The following SSBP2 variants were observed in gnomAD, a reference collection of about 807,000 sequenced individuals.
SSBP2 encodes the protein single-stranded DNA-binding protein 2.
SSBP2 carries 17 observed loss-of-function variants against 61.8 expected under a neutral mutation model. That is an observed-to-expected ratio of 0.28 (90% CI 0.19 to 0.41). The LOEUF is 0.41. Ranked by LOEUF, SSBP2 falls within the 10% of genes least tolerant of loss-of-function variation. The pLI, the probability that SSBP2 is intolerant of heterozygous loss-of-function variation, is 1.00. For synonymous variants in SSBP2, 139 were observed against 141.3 expected (o/e 0.98, Z 0.12); for missense variants, 310 against 458.7 (o/e 0.68, Z 2.96).
intron 4 of SSBP2, among the ~76,000 whole-genome samples, chr5:81,515,441 C>T (rs537174177): frequency 2.0e-5 from 3 of 151,920 alleles, no homozygotes; most frequent in Admixed American, 1.3e-4. Flanking sequence ...TACTGTAACA[C>T]TGAGCATATG....
chr5:81,555,753 A>G (rs1369307847), intron 4 of SSBP2, among the ~76,000 whole-genome samples: 2 of 152,200 alleles, frequency 1.3e-5, no homozygotes, highest in African/African-American at 4.8e-5. Context: ...AAATGAGATC[A>G]ATGTACAATC....
chr5:81,634,905 G>A (rs1299614487), intron 3 of SSBP2, among the ~76,000 whole-genome samples: 3 of 152,172 alleles, frequency 2.0e-5, no homozygotes, highest in Non-Finnish European at 4.4e-5. Flanking sequence ...TGCCTATATG[G>A]CACTCTGCAT....
chr5:81,513,511 C>T (rs887811614), intron 5 of SSBP2, 117 bp downstream of exon 5: 17 of 630,832 alleles, frequency 2.7e-5, no homozygotes, highest in Non-Finnish European at 4.8e-5. Context: ...CAAGAGTTGG[C>T]TACACATTAT....
At chr5:81,625,537 C>G (rs1373388780) in intron 3 of SSBP2, among the ~76,000 whole-genome samples, 4 of 151,988 alleles carry the variant, frequency 2.6e-5, no homozygotes, top group African/African-American at 9.7e-5. Context: ...TTATATTTTA[C>G]AAATGAAGAC....
chr5:81,678,346 G>T (rs1167037329), intron 1 of SSBP2, among the ~76,000 whole-genome samples: 2 of 130,348 alleles, frequency 1.5e-5, no homozygotes, highest in Non-Finnish European at 3.2e-5. Flanking sequence ...ATCTCAACAA[G>T]AACAGTCCCA....
At chr5:81,747,906 G>A (rs1757458507) in intron 1 of SSBP2, among the ~76,000 whole-genome samples, 1 of 151,940 alleles carries the variant, frequency 6.6e-6, no homozygotes, top group Non-Finnish European at 1.5e-5. Context: ...TCCCTCCAAG[G>A]GTTTTCAATC....
At chr5:81,704,450 T>C (rs1165995863) in intron 1 of SSBP2, among the ~76,000 whole-genome samples, 5 of 152,030 alleles carry the variant, frequency 3.3e-5, no homozygotes, top group Non-Finnish European at 7.4e-5. Context: ...CGCACACATA[T>C]ATACACATGC....
chr5:81,499,886 A>G (rs1206870363), intron 5 of SSBP2, among the ~76,000 whole-genome samples: 1 of 152,140 alleles, frequency 6.6e-6, no homozygotes, highest in Non-Finnish European at 1.5e-5. Flanking sequence ...AGGTACTTCA[A>G]TTTATTTAAA....
intron 16 of SSBP2, among the ~76,000 whole-genome samples, chr5:81,423,954 T>C (rs1186395795): frequency 6.6e-6 from 1 of 152,206 alleles, no homozygotes. Flanking sequence ...TTATCTGTGA[T>C]ATTTCAAATG....
intron 1 of SSBP2, among the ~76,000 whole-genome samples, chr5:81,711,814 T>TCCTC (rs1754803781): frequency 6.6e-6 from 1 of 152,054 alleles, no homozygotes; most frequent in South Asian, 2.1e-4. Context: ...ATATTCTTAC[T>TCCTC]CCTCCACTTC....
intron 2 of SSBP2, among the ~76,000 whole-genome samples, chr5:81,645,848 G>T (rs1167435862): frequency 6.6e-6 from 1 of 152,092 alleles, no homozygotes; most frequent in African/African-American, 2.4e-5. Context: ...TCAGGTAGTG[G>T]TTTAAAATCT....
intron 4 of SSBP2, among the ~76,000 whole-genome samples, chr5:81,595,613 T>C (rs1444733623): frequency 6.6e-6 from 1 of 152,126 alleles, no homozygotes; most frequent in Non-Finnish European, 1.5e-5. Flanking sequence ...GCAAACTGAA[T>C]CCAGCAGCAC....
chr5:81,622,498 T>C (rs1282366016), intron 3 of SSBP2, among the ~76,000 whole-genome samples: 4 of 152,170 alleles, frequency 2.6e-5, no homozygotes, highest in African/African-American at 9.7e-5. Flanking sequence ...CTTGAGCAAG[T>C]TGCTTAAACT....
At chr5:81,521,021 A>G (rs1406044053) in intron 4 of SSBP2, among the ~76,000 whole-genome samples, 1 of 151,954 alleles carries the variant, frequency 6.6e-6, no homozygotes, top group East Asian at 1.9e-4. Flanking sequence ...TCTCCCATCC[A>G]TTTATTTTTA....
At chr5:81,685,075 C>A (rs1035696370) in intron 1 of SSBP2, among the ~76,000 whole-genome samples, 1 of 152,024 alleles carries the variant, frequency 6.6e-6, no homozygotes, top group African/African-American at 2.4e-5. Flanking sequence ...TATGGCACTT[C>A]CCCCTTCACT....
chr5:81,733,901 A>G (rs1397925613), intron 1 of SSBP2, among the ~76,000 whole-genome samples: 2 of 152,232 alleles, frequency 1.3e-5, no homozygotes, highest in Admixed American at 1.3e-4. Context: ...ATACAAAACT[A>G]TTCTCTTCTC....
intron 1 of SSBP2, among the ~76,000 whole-genome samples, chr5:81,682,177 T>C (rs1312365913): frequency 1.3e-5 from 2 of 152,164 alleles, no homozygotes; most frequent in East Asian, 1.9e-4. Context: ...TCTCATAAAA[T>C]AGAAGCCAGG....
chr5:81,678,167 C>A (rs1752126929), intron 1 of SSBP2, among the ~76,000 whole-genome samples: 3 of 151,848 alleles, frequency 2.0e-5, no homozygotes, highest in East Asian at 1.9e-4. Flanking sequence ...AAAAAGTAGA[C>A]AATATGCAAG....
chr5:81,594,256 T>C (rs955666781), intron 4 of SSBP2, among the ~76,000 whole-genome samples: 2 of 152,144 alleles, frequency 1.3e-5, no homozygotes, highest in Non-Finnish European at 2.9e-5. Flanking sequence ...GGCCATTACA[T>C]AATGGTAAAG....
Sources: gnomAD v4.1 joint callset for allele counts (sites outside exome capture counted in the v4.1 genomes callset) on GRCh38, gnomAD v4.1.1 for gene constraint, MANE v1.5 for transcripts, NCBI Gene and HGNC (gene_info 2026-07-23, HGNC 2026-07-21) for gene names.